RUSF1: variants seen among roughly 807,000 people sequenced by gnomAD.
The protein encoded by RUSF1 is RUS family member 1.
Under a neutral mutation model 63.0 loss-of-function variants are expected in RUSF1, and 58 were observed. The observed-to-expected ratio is 0.92, with a 90% confidence interval of 0.75 to 1.15. The LOEUF (loss-of-function observed/expected upper bound fraction) is 1.15, where lower values mean the gene tolerates loss of function less well. Among genes scored for constraint, RUSF1 ranks in the 50% most tolerant of loss-of-function variants. The probability of loss-of-function intolerance (pLI) is 0.00; values close to 1 mark genes in which losing one functional copy is unlikely to be tolerated. For missense variants in RUSF1, 652 were observed against 611.0 expected, an observed-to-expected ratio of 1.07 and a Z score of -0.71; for synonymous variants, 274 against 255.8, an observed-to-expected ratio of 1.07 and a Z score of -0.68.
intron 2 of RUSF1, among the ~76,000 whole-genome samples, chr16:31,502,575 T>C (rs2082638227): frequency 6.6e-6 from 1 of 152,218 alleles, no homozygotes; most frequent in Non-Finnish European, 1.5e-5. Context: ...GGCTGCCCTC[T>C]CTCACGGCCA....
rs1567400902 is a variant in RUSF1, at chr16:31,507,887, GA to G, written c.301-10del. 1.9e-6 allele frequency: 3 copies of G among 1,553,820 alleles called. No individual in the cohort carries two copies. Among genetic ancestry groups the G allele is most frequent in the Admixed American group, 2.0e-5 (1 of 51,268 alleles). On this transcript the variant is annotated splice_polypyrimidine_tract_variant and intron_variant, in intron 1 of 12. Transcript: ENST00000327237. ...AGGCTGGAAGCAAACGCCTGGAGAA[GA>G]AAACAAGTAGGGTGAGAAGCGGGCG...
At position 31,493,635 on chromosome 16, in the gene RUSF1, G is replaced by A. The variant is rs114108939; in HGVS notation, c.926C>T (p.Thr309Ile). The stretch of plus-strand genomic sequence containing the variant: ...CAGCGGCTCCATGCGATTGGCTGCA[G>A]TTGGGTCGAGTACCTCTCCCCTCTG... ...YLQRGEVLDP[T>I]AANRMEPLWT... is the part of the protein sequence containing the mutation. Residue 309 changes from threonine (T) to isoleucine (I), a missense_variant, in exon 8 of 13, where the codon ACT becomes ATT. Physicochemically the swap from Thr to Ile is moderately conservative, Grantham distance 89. Coordinates refer to ENST00000327237, the MANE Select transcript of RUSF1 (RefSeq NM_022744.4). 1.1e-3 allele frequency: 1,820 copies of A among 1,614,242 alleles called. 24 individuals carry two copies. In the African/African-American group the frequency reaches 0.022, roughly 19 times the overall value.
Position 31,498,151 on chromosome 16 carries a change from G to A in RUSF1, c.600+1151C>T, listed in dbSNP as rs116020665. 8.2e-3 allele frequency among the ~76,000 whole-genome samples: 1,245 copies of A among 152,286 alleles called. 20 individuals are homozygous for A. Among genetic ancestry groups the A allele is most frequent in the African/African-American group, 0.029 (1,185 of 41,560 alleles). On this transcript the variant is annotated intron_variant, in intron 5 of 12. Coordinates refer to ENST00000327237, the MANE Select transcript of RUSF1 (RefSeq NM_022744.4). ...TGGCGGCAGCATAGATGACAGCCAG[G>A]CTGGCTTCTCTTGGTGCAGCTGGAG...
rs766818678 is a variant in RUSF1 at position 31,490,080 on chromosome 16, C to T, written c.*755G>A. ...GCATGGGGGGACAGAACTCCCACCTCGTTCGTGCTCCCACCCTCCCCAGCT... is the reference window on the plus strand; with the variant it reads ...GCATGGGGGGACAGAACTCCCACCTTGTTCGTGCTCCCACCCTCCCCAGCT... On this transcript the variant is annotated 3_prime_UTR_variant, in exon 13 of 13. Transcript: ENST00000327237. The T allele has an allele frequency of 1.7e-5, 27 of 1,612,696 alleles. No homozygotes were observed. The highest frequency in any genetic ancestry group is 5.5e-5 in the South Asian group (5 of 90,880).
chr16:31,506,694 A>G (rs1311523328), intron 2 of RUSF1, among the ~76,000 whole-genome samples: 1 of 152,208 alleles, frequency 6.6e-6, no homozygotes, highest in Admixed American at 6.5e-5. Context: ...GAGGCAGGAG[A>G]ATCGCTTGAA....
chr16:31,494,713 T>C (rs2082593240), intron 6 of RUSF1, among the ~76,000 whole-genome samples: 1 of 140,248 alleles, frequency 7.1e-6, no homozygotes, highest in Non-Finnish European at 1.6e-5. Flanking sequence ...TAATGTGTAC[T>C]TTTTTTTTTT....
intron 3 of RUSF1, 54 bp from the exon 4 acceptor site, chr16:31,499,579 T>C (rs1432708416): frequency 1.3e-6 from 2 of 1,510,916 alleles, no homozygotes; most frequent in Non-Finnish European, 1.8e-6. Flanking sequence ...ACACATCCTA[T>C]GGGCAGTGTG....
rs751488847 is a variant in RUSF1, at chr16:31,500,669, C to T, written c.461+17G>A. The T allele has an allele frequency of 2.0e-5, 33 of 1,610,836 alleles. No homozygotes were observed. The Admixed American group carries it at 3.0e-4, about 15-fold the overall frequency. Reference sequence around the variant, plus strand: ...GGGAAGAGTTGCCAGAGTTGCTGGCCGGGAAGACAAACTCACCCTTTCCAC... The same window carrying T: ...GGGAAGAGTTGCCAGAGTTGCTGGCTGGGAAGACAAACTCACCCTTTCCAC... On this transcript the variant is annotated intron_variant, in intron 3 of 12. Transcript: ENST00000327237.
intron 6 of RUSF1, 109 bp downstream of exon 6, chr16:31,496,740 G>C (rs893665844): frequency 9.7e-5 from 93 of 956,478 alleles, no homozygotes; most frequent in Non-Finnish European, 1.2e-4. Flanking sequence ...AGTCAGCAGG[G>C]AGCACCCATA....
intron 3 of RUSF1, 131 bp from the exon 4 acceptor site, chr16:31,499,656 T>C: frequency 1.2e-6 from 1 of 819,386 alleles, no homozygotes; most frequent in Non-Finnish European, 1.9e-6. Context: ...CAGACATCTG[T>C]CCCCACAGCC....
In RUSF1 at chr16:31,496,901, T is replaced by C. The variant is rs1198976861; in HGVS notation, c.650A>G (p.His217Arg). The change falls in exon 6 of 13, where the codon CAC becomes CGC. Residue 217 changes from histidine (H) to arginine (R), a missense_variant. Transcript: ENST00000327237. ...GGATRAALTV[H>R]QARRNNMADV... The stretch of plus-strand genomic sequence containing the variant: ...AGCCATGTTGTTCCTCCGAGCCTGG[T>C]GCACGGTCAGGGCAGCCCGAGTGGC... 1 of 1,610,362 alleles carries C rather than the reference T, an allele frequency of 6.2e-7. No homozygotes were observed. The highest frequency in any genetic ancestry group is 2.2e-5 in the East Asian group (1 of 44,694).
At position 31,507,917 on chromosome 16, in the gene RUSF1, G is replaced by C. The variant is rs1353929342; in HGVS notation, c.301-39C>G. On this transcript the variant is annotated intron_variant, in intron 1 of 12. Transcript: ENST00000327237. ...CAAGTAGGGTGAGAAGCGGGCGTAG[G>C]AGCGTGGCGGTCTAAGTGCCTTCAT... 3.9e-6 allele frequency: 6 copies of C among 1,546,590 alleles called. No individual in the cohort carries two copies. The African/African-American group carries it at 6.9e-5, about 18-fold the overall frequency.
intron 1 of RUSF1, 27 bp downstream of exon 1, chr16:31,508,047 T>A (rs1017270589): frequency 6.4e-5 from 101 of 1,585,880 alleles, no homozygotes; most frequent in Non-Finnish European, 8.4e-5. Context: ...GCCTGCACTG[T>A]CCTCTGCCCC....
At chr16:31,498,662 T>A (rs1367196811) in intron 5 of RUSF1, among the ~76,000 whole-genome samples, 1 of 151,928 alleles carries the variant, frequency 6.6e-6, no homozygotes, top group Admixed American at 6.6e-5. Flanking sequence ...GGAGGAAGAG[T>A]GTGCTTGAGC....
At chr16:31,492,390 ACC>A in intron 10 of RUSF1, 50 bp from the exon 11 acceptor site, 1 of 1,497,476 alleles carries the variant, frequency 6.7e-7, no homozygotes. Context: ...CACCTCCCAA[ACC>A]CCTTCTATCC....
chr16:31,503,305 C>A (rs1376169215), intron 2 of RUSF1, among the ~76,000 whole-genome samples: 1 of 152,182 alleles, frequency 6.6e-6, no homozygotes, highest in Non-Finnish European at 1.5e-5. Context: ...AATCATGGCC[C>A]TAAGTGACCT....
rs985653695 is a variant in RUSF1, at chr16:31,507,616, C to T, written c.415+148G>A. The T allele has an allele frequency of 1.5e-5, 11 of 710,976 alleles. No homozygotes were observed. The Admixed American group carries it at 2.8e-4, about 18-fold the overall frequency. 44.0% of individuals were successfully genotyped at this position (710,976 alleles called of 1,614,324 possible). A position where few individuals can be genotyped will look rare whatever the true frequency, so the allele number is the denominator to read the frequency against. ...GGTCTTCCAGATGTGGGAAGTAAGA[C>T]TGGGTTACAAAGCACCACTCTAATC... On this transcript the variant is annotated intron_variant, in intron 2 of 12. Coordinates refer to ENST00000327237, the MANE Select transcript of RUSF1 (RefSeq NM_022744.4).
intron 3 of RUSF1, 36 bp downstream of exon 3, chr16:31,500,650 A>T: frequency 6.2e-7 from 1 of 1,603,012 alleles, no homozygotes; most frequent in African/African-American, 1.3e-5. Context: ...TACTGGGAAG[A>T]GTTGCCAGAG....
In RUSF1 at chr16:31,493,888, G is replaced by A; in HGVS notation, c.751C>T (p.Pro251Ser). 2 of 1,614,190 alleles carry A rather than the reference G, an allele frequency of 1.2e-6. No homozygotes were observed. The highest frequency in any genetic ancestry group is 8.5e-7 in the Non-Finnish European group (1 of 1,180,044). The change falls in exon 7 of 13, where the codon CCT becomes TCT. Residue 251 changes from proline (P) to serine (S), a missense_variant. By Grantham distance (74) the Pro-to-Ser change is moderately conservative (BLOSUM62 -1). Transcript: ENST00000327237. ...AGLLVSLLML[P>S]LVSGCPGFSL... ...TACCCAGGGCAACCTGACACCAGAG[G>A]GAGCATCAGGAGGCTGACCAAGAGC...
Sources: allele counts gnomAD v4.1 joint callset (sites outside exome capture counted in the v4.1 genomes callset), GRCh38; gene constraint gnomAD v4.1.1; transcripts MANE v1.5; gene names NCBI Gene and HGNC (gene_info 2026-07-23, HGNC 2026-07-21).